The following ZNF226 variants were observed in gnomAD, a reference collection of about 807,000 sequenced individuals.
ZNF226 encodes Kruppel-associated box protein.
In ZNF226, 6 loss-of-function variants were observed where a neutral mutation model predicts 11.4. The observed-to-expected ratio is 0.53, with a 90% CI of 0.29 to 1.04. ZNF226 has a LOEUF of 1.04. Ranked by LOEUF, ZNF226 falls within the 50% of genes least tolerant of loss-of-function variation. The pLI is 0.08. For synonymous variants in ZNF226, 350 were observed against 322.8 expected, an observed-to-expected ratio of 1.08 and a Z score of -0.90; for missense variants, 1,058 against 956.5, an observed-to-expected ratio of 1.11 and a Z score of -1.40.
downstream of ZNF226, among the ~76,000 whole-genome samples, chr19:44,181,400 A>G (rs1454995971): frequency 6.6e-6 from 1 of 151,902 alleles, no homozygotes; most frequent in Non-Finnish European, 1.5e-5. Flanking sequence ...AATAAGTTTC[A>G]TCTCTCCCTT....
intron 5 of ZNF226, chr19:44,174,137 C>G (rs1970431801): frequency 8.0e-6 from 1 of 125,784 alleles, no homozygotes; most frequent in Non-Finnish European, 1.8e-5. Context: ...TCTAATTTCT[C>G]TTTGTGTGTG....
At chr19:44,188,015 A>C in the ZNF226 span, among the ~76,000 whole-genome samples, 1 of 152,112 alleles carries the variant, frequency 6.6e-6, no homozygotes, top group Non-Finnish European at 1.5e-5. Flanking sequence ...AGTCTTCCTA[A>C]ATTTATTAAG....
At chr19:44,189,459 A>G in the ZNF226 span, among the ~76,000 whole-genome samples, 12,756 of 152,264 alleles carry the variant, frequency 0.084, 623 homozygotes, top group East Asian at 0.15. Flanking sequence ...AATAGCATAG[A>G]CACTACCTTA....
chr19:44,179,306 T>C (rs1354430499), downstream of ZNF226, among the ~76,000 whole-genome samples: 2 of 152,238 alleles, frequency 1.3e-5, no homozygotes, highest in East Asian at 1.9e-4. Flanking sequence ...ATTTAACTTC[T>C]ATATTTTAAT....
chr19:44,176,571 C>G lies in ZNF226; in HGVS notation c.1309C>G (p.His437Asp), dbSNP rs1344035202. ...CATTTGTAGCTCAAATCTTTACATT[C>G]ATCAGAGAGTCCACACAGGAGAAAA... ...GFICSSNLYI[H>D]QRVHTGEKPY... The change falls in exon 6 of 6, where the codon CAT becomes GAT. Residue 437 changes from histidine to aspartate, a missense_variant. Physicochemically the swap from His to Asp is moderately conservative, Grantham distance 81. Coordinates refer to ENST00000337433, the MANE Select transcript of ZNF226 (RefSeq NM_001032373.2). The G allele has an allele frequency of 3.7e-6, 6 of 1,614,138 alleles. No individual in the cohort carries two copies. The highest frequency in any genetic ancestry group is 8.5e-7 in the Non-Finnish European group (1 of 1,180,006).
the ZNF226 span, among the ~76,000 whole-genome samples, chr19:44,190,491 G>A: frequency 2.6e-5 from 4 of 151,894 alleles, no homozygotes; most frequent in Non-Finnish European, 4.4e-5. Flanking sequence ...CCGCCACCAC[G>A]CCTGGCTAAT....
At chr19:44,187,937 G>T in the ZNF226 span, among the ~76,000 whole-genome samples, 2 of 151,982 alleles carry the variant, frequency 1.3e-5, no homozygotes, top group Non-Finnish European at 2.9e-5. This position sits in a 1 kb window ranked among gnomAD's most constrained non-coding sequence, Gnocchi z 4.0. Context: ...GGAATTTCTT[G>T]TTTTCCTTCT....
the ZNF226 span, among the ~76,000 whole-genome samples, chr19:44,185,869 T>G: frequency 6.6e-6 from 1 of 152,322 alleles, no homozygotes; most frequent in East Asian, 1.9e-4. Context: ...TTATATTTTC[T>G]TCTAGGATTT....
Position 44,172,133 on chromosome 19 carries a change from G to A in ZNF226, c.61G>A (p.Glu21Lys), listed in dbSNP as rs771774187. 6.2e-6 allele frequency: 10 copies of A among 1,613,372 alleles called. No individual in the cohort carries two copies. Among genetic ancestry groups the A allele is most frequent in the Non-Finnish European group, 8.5e-6 (10 of 1,179,488 alleles). Residue 21 changes from glutamate (E) to lysine (K), a missense_variant, in exon 4 of 6, where the codon GAA (glutamate) becomes AAA (lysine). Coordinates refer to ENST00000337433, the MANE Select transcript of ZNF226 (RefSeq NM_001032373.2). ...CGTGGCTGTGGCCTTCACGGAGGAG[G>A]AATTGGGGCTGCTGGGCCCTGCCCA... ...KDVAVAFTEE[E>K]LGLLGPAQRK...
chr19:44,177,498 C>T lies in ZNF226; in HGVS notation c.2236C>T (p.Gln746Ter), dbSNP rs1253143605. The T allele has an allele frequency of 6.2e-7, 1 of 1,614,154 alleles. No homozygotes were observed. The highest frequency in any genetic ancestry group is 1.1e-5 in the South Asian group (1 of 91,078). Residue 746 changes from glutamine (Q) to a stop codon, truncating the protein, a stop_gained, in exon 6 of 6, where the codon CAG becomes TAG. Coordinates refer to ENST00000337433, the MANE Select transcript of ZNF226 (RefSeq NM_001032373.2). LOFTEE classifies it low-confidence loss of function (END_TRUNC). Reference sequence around the variant, plus strand: ...TCGGTCTTCACAACTACAGTCTCATCAGCGAGTTCACACTGGGGAGAAACC... The same window carrying T: ...TCGGTCTTCACAACTACAGTCTCATTAGCGAGTTCACACTGGGGAGAAACC... ...FSRSSQLQSH[Q>*]RVHTGEKPYK...
chr19:44,188,438 G>A, the ZNF226 span, among the ~76,000 whole-genome samples: 1,806 of 152,172 alleles, frequency 0.012, 30 homozygotes, highest in African/African-American at 0.039. Flanking sequence ...CAACTTTTTT[G>A]GGTGATTATT....
At chr19:44,187,293 A>G in the ZNF226 span, among the ~76,000 whole-genome samples, 366 of 152,076 alleles carry the variant, frequency 2.4e-3, 3 homozygotes, top group Middle Eastern at 0.01. This position sits in a 1 kb window ranked among gnomAD's most constrained non-coding sequence, Gnocchi z 4.0. Flanking sequence ...CCAATGCCTC[A>G]CTAGTTATAC....
At chr19:44,183,427 G>A in the ZNF226 span, among the ~76,000 whole-genome samples, 2 of 152,184 alleles carry the variant, frequency 1.3e-5, no homozygotes, top group Non-Finnish European at 2.9e-5. Context: ...TGGAAAGAGG[G>A]CTATTTTGCC....
chr19:44,185,340 A>G, the ZNF226 span, among the ~76,000 whole-genome samples: 1 of 152,210 alleles, frequency 6.6e-6, no homozygotes, highest in African/African-American at 2.4e-5. Flanking sequence ...ATTTTCCATA[A>G]TGGCTATACC....
downstream of ZNF226, among the ~76,000 whole-genome samples, chr19:44,180,142 A>G (rs543720967): frequency 6.6e-6 from 1 of 151,504 alleles, no homozygotes; most frequent in South Asian, 2.1e-4. Flanking sequence ...TTCAGAAGCT[A>G]TAGAGTGGAA....
chr19:44,171,956 G>T, intron 3 of ZNF226, 132 bp from the exon 4 acceptor site: 1 of 1,248,064 alleles, frequency 8.0e-7, no homozygotes, highest in Non-Finnish European at 1.1e-6. Flanking sequence ...GTATGGCATT[G>T]GCAAGACAGG....
intron 2 of ZNF226, among the ~76,000 whole-genome samples, chr19:44,166,321 C>T (rs1475023155): frequency 1.3e-5 from 2 of 152,036 alleles, no homozygotes; most frequent in South Asian, 2.1e-4. Flanking sequence ...GCCAACATGG[C>T]GAAACCCCAT....
chr19:44,180,255 A>G (rs1970887984), downstream of ZNF226, among the ~76,000 whole-genome samples: 1 of 152,192 alleles, frequency 6.6e-6, no homozygotes, highest in Admixed American at 6.5e-5. Context: ...GGGAACAGGC[A>G]GTTAAGCAGG....
At position 44,176,327 on chromosome 19, in the gene ZNF226, G is replaced by T; in HGVS notation, c.1065G>T (p.Lys355Asn). 6.2e-7 allele frequency: 1 copy of T among 1,614,176 alleles called. No individual in the cohort carries two copies. The highest frequency in any genetic ancestry group is 1.7e-5 in the Admixed American group (1 of 60,020). ...GATCAGCACTTAATGTTCATTGCAA[G>T]GTCCACACGGCAGAGAAACCTTATA... ...SRRSALNVHC[K>N]VHTAEKPYNC... Residue 355 changes from lysine to asparagine, a missense_variant, in exon 6 of 6, where the codon AAG (lysine) becomes AAT (asparagine). Lys to Asn is a moderately conservative substitution (Grantham distance 94, BLOSUM62 0). Transcript: ENST00000337433.
Sources: allele counts gnomAD v4.1 joint callset (sites outside exome capture counted in the v4.1 genomes callset), GRCh38; gene constraint gnomAD v4.1.1; non-coding constraint Gnocchi (gnomAD v3.1); transcripts MANE v1.5; gene names NCBI Gene and HGNC (gene_info 2026-07-23, HGNC 2026-07-21).